The following REPS2 variants were observed in gnomAD, a reference collection of about 807,000 sequenced individuals.
REPS2 encodes RALBP1 associated Eps domain containing 2, also known as ralBP1-associated Eps domain-containing protein 2.
REPS2 carries 23 observed loss-of-function variants against 53.6 expected under a neutral mutation model. The observed-to-expected ratio is 0.43, with a 90% CI of 0.31 to 0.61. REPS2 has a LOEUF of 0.61. Among genes scored for constraint, REPS2 ranks in the 20% least tolerant of loss-of-function variants. The pLI, the probability that REPS2 is intolerant of heterozygous loss-of-function variation, is 0.11. For missense variants in REPS2, 446 were observed against 534.9 expected (o/e 0.83, Z 1.64); for synonymous variants, 238 against 218.6 (o/e 1.09, Z -0.78).
the REPS2 span, among the ~76,000 whole-genome samples, chrX:17,185,169 T>C: frequency 5.4e-5 from 6 of 110,765 alleles, no homozygotes; most frequent in African/African-American, 2.0e-4. Flanking sequence ...ATGGTCTTCG[T>C]TGGGAAGGCT....
intron 14 of REPS2, among the ~76,000 whole-genome samples, chrX:17,119,196 T>G (rs2063106031): frequency 8.9e-6 from 1 of 112,295 alleles, no homozygotes; most frequent in African/African-American, 3.2e-5. Context: ...GTTAAGGCTA[T>G]GATTCCTACC....
intron 2 of REPS2, among the ~76,000 whole-genome samples, chrX:17,008,679 G>A (rs12832493): frequency 8.9e-6 from 1 of 111,807 alleles, no homozygotes; most frequent in Admixed American, 9.5e-5. Context: ...CTGCCACTTA[G>A]AATTTTCCAG....
the REPS2 span, among the ~76,000 whole-genome samples, chrX:17,164,273 T>C: frequency 1.1e-4 from 12 of 111,175 alleles, no homozygotes; most frequent in African/African-American, 3.9e-4. Flanking sequence ...GGTTAAACAC[T>C]CCAATCAAAA....
At chrX:17,176,250 C>A in the REPS2 span, among the ~76,000 whole-genome samples, 1 of 111,822 alleles carries the variant, frequency 8.9e-6, no homozygotes, top group African/African-American at 3.3e-5. Context: ...CCCTGATGCA[C>A]CCTTGCTTGG....
chrX:17,058,638 C>T (rs931761460), intron 8 of REPS2, among the ~76,000 whole-genome samples: 7 of 111,252 alleles, frequency 6.3e-5, no homozygotes, highest in Non-Finnish European at 1.3e-4. Flanking sequence ...CATGTTTCTT[C>T]CTGGACTTTT....
intron 2 of REPS2, among the ~76,000 whole-genome samples, chrX:17,007,849 CTTACAAGTATGGAAAT>C (rs1461604382): frequency 1.8e-5 from 2 of 112,112 alleles, no homozygotes; most frequent in Non-Finnish European, 1.9e-5. Context: ...TTGTTCGTAT[CTTACAAGTATGGAAAT>C]TTGAACTTTA....
intron 7 of REPS2, among the ~76,000 whole-genome samples, chrX:17,052,783 G>A (rs1196722214): frequency 5.3e-5 from 6 of 112,225 alleles, no homozygotes; most frequent in Non-Finnish European, 1.1e-4. Flanking sequence ...TTTCTGCTAG[G>A]TGTGATACAA....
At chrX:17,050,169 TCTTTCTTTCTTTCTTTCTTTCTTTC>T (rs2061968430) in intron 6 of REPS2, among the ~76,000 whole-genome samples, 3 of 47,560 alleles carry the variant, frequency 6.3e-5, no homozygotes, top group African/African-American at 2.9e-4. Flanking sequence ...TTTCTTTCTT[TCTTTCTTTCTTTCTTTCTTTCTTTC>T]TTTTTTTTTT....
At chrX:16,957,443 A>C (rs759860895) in intron 1 of REPS2, among the ~76,000 whole-genome samples, 1 of 110,429 alleles carries the variant, frequency 9.1e-6, no homozygotes, top group South Asian at 3.9e-4. Context: ...TTAAGTGCAG[A>C]CCTTCTGAGA....
chrX:16,965,622 A>C (rs1219897855), intron 1 of REPS2, among the ~76,000 whole-genome samples: 1 of 108,677 alleles, frequency 9.2e-6, no homozygotes, highest in East Asian at 3.0e-4. Flanking sequence ...CACATCTCAG[A>C]CGATGGGCGG....
intron 8 of REPS2, among the ~76,000 whole-genome samples, chrX:17,059,373 T>TA (rs1368171863): frequency 9.1e-6 from 1 of 109,624 alleles, no homozygotes; most frequent in African/African-American, 3.3e-5. Context: ...ATTCAGTCTT[T>TA]AAAAAATCTA....
intron 13 of REPS2, among the ~76,000 whole-genome samples, chrX:17,090,277 C>T (rs2062597690): frequency 8.9e-6 from 1 of 112,527 alleles, no homozygotes; most frequent in Admixed American, 9.4e-5. Context: ...CTTACAGTTC[C>T]ACGTGGCCGG....
At chrX:17,064,535 T>C (rs2062201589) in intron 9 of REPS2, among the ~76,000 whole-genome samples, 1 of 112,501 alleles carries the variant, frequency 8.9e-6, no homozygotes, top group African/African-American at 3.2e-5. Flanking sequence ...CATGTACTTA[T>C]TTCCATTAAG....
intron 14 of REPS2, among the ~76,000 whole-genome samples, chrX:17,120,767 A>G (rs2063130888): frequency 8.9e-6 from 1 of 112,248 alleles, no homozygotes; most frequent in African/African-American, 3.2e-5. Context: ...TATAGCCTAC[A>G]GGCCAAATCC....
intron 6 of REPS2, among the ~76,000 whole-genome samples, chrX:17,050,202 T>TTC (rs1569148733): frequency 8.3e-5 from 2 of 24,239 alleles, no homozygotes; most frequent in African/African-American, 2.9e-4. Context: ...TTCTTTTTTT[T>TTC]TTTTTTTTGA....
At chrX:17,083,260 A>G (rs1350421318) in intron 13 of REPS2, among the ~76,000 whole-genome samples, 1 of 108,934 alleles carries the variant, frequency 9.2e-6, no homozygotes, top group Non-Finnish European at 1.9e-5. Flanking sequence ...AATTTTTTGT[A>G]TTTTTAGTAG....
chrX:17,033,818 C>T lies in REPS2; in HGVS notation c.771+4195C>T, dbSNP rs186384187. 8.8e-4 allele frequency among the ~76,000 whole-genome samples: 99 copies of T among 112,341 alleles called. 1 individual carries two copies. The highest frequency in any genetic ancestry group is 4.1e-3 in the Admixed American group (44 of 10,629). ...GAAGCCTGTCCCTCTCTGCCCATGGCTCTTAACATGTCATCCATGTTGCTG... is the reference window on the plus strand; with the variant it reads ...GAAGCCTGTCCCTCTCTGCCCATGGTTCTTAACATGTCATCCATGTTGCTG... On this transcript the variant is annotated intron_variant, in intron 5 of 17. Transcript: ENST00000357277.
At chrX:17,049,524 T>A (rs1038061235) in intron 6 of REPS2, among the ~76,000 whole-genome samples, 4 of 112,196 alleles carry the variant, frequency 3.6e-5, no homozygotes, top group African/African-American at 1.3e-4. Context: ...AAATTAAAAA[T>A]TTTAAAAATA....
At chrX:16,970,115 C>G (rs754844790) in intron 1 of REPS2, among the ~76,000 whole-genome samples, 1 of 111,056 alleles carries the variant, frequency 9.0e-6, no homozygotes, top group Non-Finnish European at 1.9e-5. Context: ...ATTTAATGCA[C>G]TCACCATAAT....
Sources: allele counts gnomAD v4.1 joint callset (sites outside exome capture counted in the v4.1 genomes callset), GRCh38; gene constraint gnomAD v4.1.1; transcripts MANE v1.5; gene names NCBI Gene and HGNC (gene_info 2026-07-23, HGNC 2026-07-21).